Variants in RGL1 observed in about 807,000 individuals in gnomAD.
RGL1 encodes the protein ral guanine nucleotide dissociation stimulator like 1.
RGL1 carries 24 observed loss-of-function variants against 95.2 expected under a neutral mutation model. The observed-to-expected ratio is 0.25, with a 90% CI of 0.18 to 0.35. The LOEUF (loss-of-function observed/expected upper bound fraction) is 0.35, where lower values mean the gene tolerates loss of function less well. RGL1 is among the 10% of genes least tolerant of loss of function. RGL1 has a pLI of 1.00. For synonymous variants in RGL1, 329 were observed against 344.9 expected (o/e 0.95, Z 0.51); for missense variants, 715 against 936.3 (o/e 0.76, Z 3.08).
intron 2 of RGL1, among the ~76,000 whole-genome samples, chr1:183,815,324 A>C (rs1432834908): frequency 1.3e-5 from 2 of 152,214 alleles, no homozygotes; most frequent in Non-Finnish European, 2.9e-5. Flanking sequence ...ATTGAGATAA[A>C]TGATACTCCT....
intron 1 of RGL1, among the ~76,000 whole-genome samples, chr1:183,739,279 G>A (rs1657137975): frequency 1.3e-5 from 2 of 152,222 alleles, no homozygotes; most frequent in South Asian, 4.1e-4. Flanking sequence ...GCACCATTGT[G>A]CCAGTGAGCT....
chr1:183,856,274 G>A (rs1413751803), intron 3 of RGL1, among the ~76,000 whole-genome samples: 5 of 151,374 alleles, frequency 3.3e-5, no homozygotes, highest in Admixed American at 3.3e-4. Context: ...ACTTGGATGG[G>A]TTACACACAC....
chr1:183,898,056 G>T (rs942791360), intron 10 of RGL1, among the ~76,000 whole-genome samples, 159 bp downstream of exon 10: 4 of 152,172 alleles, frequency 2.6e-5, no homozygotes, highest in Admixed American at 6.5e-5. Flanking sequence ...AGCCCTGGGA[G>T]GTCTATAGGA....
At chr1:183,758,194 T>C (rs886113681) in intron 2 of RGL1, among the ~76,000 whole-genome samples, 11 of 136,800 alleles carry the variant, frequency 8.0e-5, no homozygotes, top group African/African-American at 3.2e-4. Flanking sequence ...TTATAAACGA[T>C]AGAATTTTTT....
rs190931331 is a variant in RGL1 at position 183,922,379 on chromosome 1, G to A, written c.2119+43G>A. On this transcript the variant is annotated intron_variant, in intron 17 of 17. Transcript: ENST00000360851. ...ACAGGCATGTTCCTTCCCAGGGCAG[G>A]TGGCTAGCACATGTCCACAGTGCTC... 3.2e-5 allele frequency: 47 copies of A among 1,458,148 alleles called. 1 individual carries two copies. The African/African-American group carries it at 4.7e-4, about 15-fold the overall frequency. 90.3% of individuals were successfully genotyped at this position (1,458,148 alleles called of 1,614,324 possible). A position where few individuals can be genotyped will look rare whatever the true frequency, so the allele number is the denominator to read the frequency against.
chr1:183,890,138 A>G (rs1558274867), intron 8 of RGL1, among the ~76,000 whole-genome samples: 1 of 152,156 alleles, frequency 6.6e-6, no homozygotes, highest in Non-Finnish European at 1.5e-5. Flanking sequence ...GTAGTATAGT[A>G]TCAAAAACAA....
chr1:183,648,269 G>A (rs774187209), intron 1 of RGL1: 27 of 1,614,036 alleles, frequency 1.7e-5, no homozygotes, highest in East Asian at 2.2e-5. Context: ...GGAGAGCTTC[G>A]CGGTTCCATG....
chr1:183,913,182 C>CTTTTTTTTTTTT (rs537751695), intron 15 of RGL1, among the ~76,000 whole-genome samples: 1 of 68,246 alleles, frequency 1.5e-5, no homozygotes, highest in African/African-American at 6.3e-5. Context: ...GACCAGTCTT[C>CTTTTTTTTTTTT]TTTTTTTTTT....
intron 2 of RGL1, among the ~76,000 whole-genome samples, chr1:183,798,307 T>G (rs1412603993): frequency 6.6e-6 from 1 of 152,196 alleles, no homozygotes; most frequent in Non-Finnish European, 1.5e-5. Context: ...TCTTACCATT[T>G]TATGTTGATA....
intron 10 of RGL1, 135 bp downstream of exon 10, chr1:183,898,032 C>T (rs1437941641): frequency 4.5e-6 from 3 of 670,494 alleles, no homozygotes; most frequent in Non-Finnish European, 7.8e-6. Context: ...TTCTCTACCC[C>T]ATTTGTTCTC....
intron 1 of RGL1, among the ~76,000 whole-genome samples, chr1:183,649,509 G>A (rs1186559812): frequency 6.6e-6 from 1 of 152,034 alleles, no homozygotes; most frequent in Non-Finnish European, 1.5e-5. Flanking sequence ...TTTTTTTTGA[G>A]ACTAGGATCA....
intron 12 of RGL1, among the ~76,000 whole-genome samples, chr1:183,903,082 C>T (rs138680152): frequency 1.4e-4 from 21 of 152,220 alleles, no homozygotes; most frequent in Admixed American, 2.0e-4. Context: ...AGCCATTCCA[C>T]GGTATATACA....
At chr1:183,869,082 C>T (rs1267922285) in intron 4 of RGL1, among the ~76,000 whole-genome samples, 2 of 152,138 alleles carry the variant, frequency 1.3e-5, no homozygotes, top group Non-Finnish European at 2.9e-5. Flanking sequence ...CGTGCCACTG[C>T]ACTCCAGCCT....
At chr1:183,855,676 TG>T (rs1665092400) in intron 3 of RGL1, among the ~76,000 whole-genome samples, 1 of 152,212 alleles carries the variant, frequency 6.6e-6, no homozygotes, top group Non-Finnish European at 1.5e-5. Context: ...CATCTTCATG[TG>T]ACTTATGGTC....
At chr1:183,923,826 G>C (rs1558298085) in intron 17 of RGL1, among the ~76,000 whole-genome samples, 1 of 152,200 alleles carries the variant, frequency 6.6e-6, no homozygotes, top group African/African-American at 2.4e-5. Flanking sequence ...TTTGTGCACA[G>C]AATGTACAGG....
At chr1:183,779,955 T>C (rs1659812358) in intron 2 of RGL1, among the ~76,000 whole-genome samples, 1 of 152,182 alleles carries the variant, frequency 6.6e-6, no homozygotes, top group Non-Finnish European at 1.5e-5. Context: ...AGAAAATCAG[T>C]ATCTAATTAG....
Position 183,822,663 on chromosome 1 carries a change from T to C in RGL1, c.138+16178T>C, listed in dbSNP as rs142678331. ...ATGGCAGTCAGGAGTTATGTTTATGTTGACCTCTTGTTTTATACTTATTGC... is the reference window on the plus strand; with the variant it reads ...ATGGCAGTCAGGAGTTATGTTTATGCTGACCTCTTGTTTTATACTTATTGC... On this transcript the variant is annotated intron_variant, in intron 2 of 17. Transcript: ENST00000360851. Among the ~76,000 whole-genome samples, 315 of 152,346 alleles carry C rather than the reference T, an allele frequency of 2.1e-3. 1 individual carries two copies. The highest frequency in any genetic ancestry group is 3.4e-3 in the Non-Finnish European group (233 of 68,030).
rs1212757230 is a variant in RGL1 at position 183,806,425 on chromosome 1, T to C, written c.78T>C (p.His26=). The C allele has an allele frequency of 1.2e-6, 2 of 1,613,978 alleles. No homozygotes were observed. Among genetic ancestry groups the C allele is most frequent in the Admixed American group, 1.7e-5 (1 of 59,992 alleles). The change falls in exon 2 of 18, where the codon CAT becomes CAC. Residue 26 remains histidine (H), a synonymous_variant. Coordinates refer to ENST00000360851, the MANE Select transcript of RGL1 (RefSeq NM_001297671.3). Reference sequence around the variant, plus strand: ...AGGTAGAGGAAGGAGCTGTTTACCATGTCACCCTCAAAAGAGTCCAGATTC... The same window carrying C: ...AGGTAGAGGAAGGAGCTGTTTACCACGTCACCCTCAAAAGAGTCCAGATTC... ...GEEVEEGAVY[H]VTLKRVQIQQ...
intron 1 of RGL1, among the ~76,000 whole-genome samples, chr1:183,642,923 C>T (rs1436047766): frequency 1.3e-5 from 2 of 152,226 alleles, no homozygotes. Context: ...ACAAAATTAA[C>T]TCTGTACCCA....
Sources: gnomAD v4.1 joint callset for allele counts (sites outside exome capture counted in the v4.1 genomes callset) on GRCh38, gnomAD v4.1.1 for gene constraint, MANE v1.5 for transcripts, NCBI Gene and HGNC (gene_info 2026-07-23, HGNC 2026-07-21) for gene names.